NUPR1: variants seen among roughly 807,000 people sequenced by gnomAD.
NUPR1 encodes nuclear protein 1.
NUPR1 carries 8 observed loss-of-function variants against 7.3 expected under a neutral mutation model. The ratio of observed to expected loss-of-function variants is 1.09; its 90% CI spans 0.64 to 1.97. The LOEUF (loss-of-function observed/expected upper bound fraction) is 1.97, where lower values mean the gene tolerates loss of function less well. NUPR1 is among the 30% of genes most tolerant of loss of function. NUPR1 has a pLI of 0.00. For missense variants in NUPR1, 96 were observed against 111.7 expected (o/e 0.86, Z 0.63); for synonymous variants, 39 against 44.5 (o/e 0.88, Z 0.49).
rs1026317520 is a variant in NUPR1, at chr16:28,535,334, T to G, written c.*2349A>C. ...CTTTCTTTCTCTCTCTTTTTCTTTT[T>G]TTGAGATGGAGTTTTGCTCTTGTTG... is the stretch of plus-strand genomic sequence containing the variant. On this transcript the variant is annotated 3_prime_UTR_variant, in exon 3 of 3. Coordinates refer to ENST00000324873, the MANE Select transcript of NUPR1 (RefSeq NM_012385.3). 2.6e-5 allele frequency: 4 copies of G among 152,202 alleles called. No individual in the cohort carries two copies. The highest frequency in any genetic ancestry group is 5.9e-5 in the Non-Finnish European group (4 of 68,212). The allele number at this position is 152,202 out of a possible 1,614,324, so 9.4% of individuals were successfully genotyped here.
Position 28,532,902 on chromosome 16 carries a change from G to C in NUPR1, c.*4781C>G, listed in dbSNP as rs2046591126. On this transcript the variant is annotated 3_prime_UTR_variant, in exon 3 of 3. Transcript: ENST00000324873. ...CAGTTTTCCGGTCTGAAAAAAAGGG[G>C]ATCATTAATAGTATGTCCTATTGGG... is the stretch of plus-strand genomic sequence containing the variant. 1 of 152,114 alleles carries C rather than the reference G, an allele frequency of 6.6e-6. No individual in the cohort carries two copies. The highest frequency in any genetic ancestry group is 1.5e-5 in the Non-Finnish European group (1 of 68,036). 9.4% of individuals were successfully genotyped at this position (152,114 alleles called of 1,614,324 possible).
intron 1 of NUPR1, 109 bp downstream of exon 1, chr16:28,538,687 G>A (rs2046643043): frequency 2.2e-6 from 2 of 919,298 alleles, no homozygotes; most frequent in African/African-American, 1.6e-5. Context: ...CAAAAAAAAA[G>A]AAAGAAAGAA....
At chr16:28,538,544 C>T (rs1003340043) in intron 1 of NUPR1, 11 of 627,262 alleles carry the variant, frequency 1.8e-5, no homozygotes, top group Non-Finnish European at 2.9e-5. Context: ...GTGGTGTACA[C>T]CTGAAGTTCC....
rs569799801 is a variant in NUPR1, at chr16:28,535,243, TTCCCTCCTTTCCTCCTTCCCTCCTTCCC to T, written c.*2412_*2439del. ...CTAGGGCAAATCCCTTAATATTTCC[TTCCCTCCTTTCCTCCTTCCCTCCTTCCC>T]TCCCTCCTTTCCTTCCTCTTTCTTT... On this transcript the variant is annotated 3_prime_UTR_variant, in exon 3 of 3. Transcript: ENST00000324873. 3.9e-5 allele frequency: 6 copies of T among 152,196 alleles called. No individual in the cohort carries two copies. Among genetic ancestry groups the T allele is most frequent in the Non-Finnish European group, 8.8e-5 (6 of 68,052 alleles). The allele number at this position is 152,196 out of a possible 1,614,324, so 9.4% of individuals were successfully genotyped here.
rs2046610451 is a variant in NUPR1 at position 28,535,572 on chromosome 16, C to CTTTCTTTCTTTTCTTTCTTTCTTTCT, written c.*2110_*2111insAGAAAGAAAGAAAGAAAAGAAAGAAA. The CTTTCTTTCTTTTCTTTCTTTCTTTCT allele has an allele frequency of 5.6e-4, 5 of 8,878 alleles. No homozygotes were observed. The highest frequency in any genetic ancestry group is 7.7e-4 in the African/African-American group (5 of 6,520). The allele number at this position is 8,878 out of a possible 1,614,324, so 0.5% of individuals were successfully genotyped here. A position where few individuals can be genotyped will look rare whatever the true frequency, so the allele number is the denominator to read the frequency against. On this transcript the variant is annotated 3_prime_UTR_variant, in exon 3 of 3. Coordinates refer to ENST00000324873, the MANE Select transcript of NUPR1 (RefSeq NM_012385.3). ...CTTTCTTTCTTTCTTTCCTTCCTTCCTTTCTTTCTTTCTTTCTTTCTTTCT... is the reference window on the plus strand; with the variant it reads ...CTTTCTTTCTTTCTTTCCTTCCTTCCTTTCTTTCTTTTCTTTCTTTCTTTCTTTTCTTTCTTTCTTTCTTTCTTTCT...
In NUPR1 at chr16:28,535,503, T is replaced by TTTTCTGTCTTTCTTTCTTTCTTTC. The variant is rs2046604855; in HGVS notation, c.*2179_*2180insGAAAGAAAGAAAGAAAGACAGAAA. The TTTTCTGTCTTTCTTTCTTTCTTTC allele has an allele frequency of 1.0e-5, 1 of 98,470 alleles. No individual in the cohort carries two copies. Among genetic ancestry groups the TTTTCTGTCTTTCTTTCTTTCTTTC allele is most frequent in the African/African-American group, 4.0e-5 (1 of 24,740 alleles). The allele number at this position is 98,470 out of a possible 1,614,324, so 6.1% of individuals were successfully genotyped here. ...TGAGCCACTGTGCCGGGGCTCGCTC[T>TTTTCTGTCTTTCTTTCTTTCTTTC]TTTCTTTCTTTCTTTCTTTCTTTCT... On this transcript the variant is annotated 3_prime_UTR_variant, in exon 3 of 3. Transcript: ENST00000324873.
chr16:28,535,284 T>TTCCTCTTTCTTTCCC lies in NUPR1; in HGVS notation c.*2384_*2398dup. On this transcript the variant is annotated 3_prime_UTR_variant, in exon 3 of 3. Coordinates refer to ENST00000324873, the MANE Select transcript of NUPR1 (RefSeq NM_012385.3). ...TTCCCTCCTTCCCTCCCTCCTTTCC[T>TTCCTCTTTCTTTCCC]TCCTCTTTCTTTCCCTCCTTCTCTC... 6.6e-6 allele frequency: 1 copy of TTCCTCTTTCTTTCCC among 151,814 alleles called. No homozygotes were observed. Among genetic ancestry groups the TTCCTCTTTCTTTCCC allele is most frequent in the Admixed American group, 6.6e-5 (1 of 15,198 alleles). The allele number at this position is 151,814 out of a possible 1,614,324, so 9.4% of individuals were successfully genotyped here.
In NUPR1 at chr16:28,535,503, TTTTCTTTCTTTCTTTC is replaced by T. The variant is rs544177614; in HGVS notation, c.*2164_*2179del. Reference sequence around the variant, plus strand: ...TGAGCCACTGTGCCGGGGCTCGCTCTTTTCTTTCTTTCTTTCTTTCTTTCTTTCTTTCTTTCTTTCC... The same window carrying T: ...TGAGCCACTGTGCCGGGGCTCGCTCTTTTCTTTCTTTCTTTCTTTCTTTCC... On this transcript the variant is annotated 3_prime_UTR_variant, in exon 3 of 3. Transcript: ENST00000324873. 6.1e-5 allele frequency: 6 copies of T among 98,470 alleles called. No homozygotes were observed. The highest frequency in any genetic ancestry group is 2.4e-4 in the African/African-American group (6 of 24,740). 6.1% of individuals were successfully genotyped at this position (98,470 alleles called of 1,614,324 possible). A position where few individuals can be genotyped will look rare whatever the true frequency, so the allele number is the denominator to read the frequency against.
At chr16:28,537,705 A>G (rs1409816202) in intron 2 of NUPR1, 36 bp from the exon 3 acceptor site, 2 of 307,830 alleles carry the variant, frequency 6.5e-6, no homozygotes, top group East Asian at 1.4e-4. Context: ...TAAAAGGGAC[A>G]GAGATCTGGG....
At position 28,535,579 on chromosome 16, in the gene NUPR1, T is replaced by TCCTTC. The variant is rs1491423157; in HGVS notation, c.*2103_*2104insGAAGG. On this transcript the variant is annotated 3_prime_UTR_variant, in exon 3 of 3. Coordinates refer to ENST00000324873, the MANE Select transcript of NUPR1 (RefSeq NM_012385.3). ...TCTTTCTTTCCTTCCTTCCTTTCTT[T>TCCTTC]CTTTCTTTCTTTCTTTCTTTCTTTC... is the stretch of plus-strand genomic sequence containing the variant. The TCCTTC allele has an allele frequency of 4.3e-3, 170 of 39,200 alleles. 6 individuals carry two copies. The highest frequency in any genetic ancestry group is 0.018 in the African/African-American group (133 of 7,508). 2.4% of individuals were successfully genotyped at this position (39,200 alleles called of 1,614,324 possible).
chr16:28,538,283 G>T, intron 1 of NUPR1, 128 bp from the exon 2 acceptor site: 1 of 1,383,394 alleles, frequency 7.2e-7, no homozygotes, highest in Non-Finnish European at 1.0e-6. Context: ...CTTCCCCTCT[G>T]TGGAATGTGG....
rs1322915367 is a variant in NUPR1 at position 28,536,983 on chromosome 16, C to T, written c.*700G>A. ...GGCCCTGGCTTTTAATATTTTAAAT[C>T]TCAGTTTTCTCTGACTTTTAGATGG... is the stretch of plus-strand genomic sequence containing the variant. On this transcript the variant is annotated 3_prime_UTR_variant, in exon 3 of 3. Transcript: ENST00000324873. 6.6e-6 allele frequency: 1 copy of T among 152,126 alleles called. No individual in the cohort carries two copies. The highest frequency in any genetic ancestry group is 1.9e-4 in the East Asian group (1 of 5,182). The allele number at this position is 152,126 out of a possible 1,614,324, so 9.4% of individuals were successfully genotyped here.
In NUPR1 at chr16:28,536,816, C is replaced by T. The variant is rs1271657479; in HGVS notation, c.*867G>A. Reference sequence around the variant, plus strand: ...CAGCTGGGATTACAGGCACCTGCCACCATGCTTGGCTAATTTTTGGTATTT... The same window carrying T: ...CAGCTGGGATTACAGGCACCTGCCATCATGCTTGGCTAATTTTTGGTATTT... On this transcript the variant is annotated 3_prime_UTR_variant, in exon 3 of 3. Transcript: ENST00000324873. The T allele has an allele frequency of 2.0e-5, 3 of 152,078 alleles. No homozygotes were observed. Among genetic ancestry groups the T allele is most frequent in the African/African-American group, 7.2e-5 (3 of 41,400 alleles). 9.4% of individuals were successfully genotyped at this position (152,078 alleles called of 1,614,324 possible).
In NUPR1 at chr16:28,538,873, T is replaced by TG. The variant is rs1160888587; in HGVS notation, c.34dup (p.Gln12ProfsTer15). The TG allele has an allele frequency of 1.1e-5, 18 of 1,613,216 alleles. No homozygotes were observed. The highest frequency in any genetic ancestry group is 1.7e-5 in the Admixed American group (1 of 59,736). On this transcript the variant is annotated frameshift_variant, in exon 1 of 3. Transcript: ENST00000324873. LOFTEE classifies it high-confidence loss of function. ...CTCGTCCTCCGGGCCTGGGGGCTGC[T>TG]GGGGGGCGCTGGTTGCTGGTGGGAA...
Position 28,535,532 on chromosome 16 carries a change from T to TTTCTTTCTTTCTTTCC in NUPR1, c.*2150_*2151insGGAAAGAAAGAAAGAA, listed in dbSNP as rs2046606244. The TTTCTTTCTTTCTTTCC allele has an allele frequency of 2.7e-5, 2 of 75,354 alleles. No homozygotes were observed. The highest frequency in any genetic ancestry group is 2.9e-5 in the Non-Finnish European group (1 of 34,894). The allele number at this position is 75,354 out of a possible 1,614,324, so 4.7% of individuals were successfully genotyped here. On this transcript the variant is annotated 3_prime_UTR_variant, in exon 3 of 3. Coordinates refer to ENST00000324873, the MANE Select transcript of NUPR1 (RefSeq NM_012385.3). Reference sequence around the variant, plus strand: ...CTTTCTTTCTTTCTTTCTTTCTTTCTTTCTTTCTTTCCTTCTTTCTTTCTT... The same window carrying TTTCTTTCTTTCTTTCC: ...CTTTCTTTCTTTCTTTCTTTCTTTCTTTCTTTCTTTCTTTCCTTCTTTCTTTCCTTCTTTCTTTCTT...
rs895607206 is a variant in NUPR1 at position 28,535,254 on chromosome 16, C to T, written c.*2429G>A. On this transcript the variant is annotated 3_prime_UTR_variant, in exon 3 of 3. Transcript: ENST00000324873. ...CCCTTAATATTTCCTTCCCTCCTTT[C>T]CTCCTTCCCTCCTTCCCTCCCTCCT... is the stretch of plus-strand genomic sequence containing the variant. The T allele has an allele frequency of 1.3e-5, 2 of 151,978 alleles. No homozygotes were observed. Among genetic ancestry groups the T allele is most frequent in the Admixed American group, 6.6e-5 (1 of 15,222 alleles). 9.4% of individuals were successfully genotyped at this position (151,978 alleles called of 1,614,324 possible).
rs2046608462 is a variant in NUPR1, at chr16:28,535,560, T to TTTCTTTCCTTCCTTCCTTCC, written c.*2122_*2123insGGAAGGAAGGAAGGAAAGAA. Reference sequence around the variant, plus strand: ...CTTTCTTTCCTTCTTTCTTTCTTTCTTTCCTTCCTTCCTTTCTTTCTTTCT... The same window carrying TTTCTTTCCTTCCTTCCTTCC: ...CTTTCTTTCCTTCTTTCTTTCTTTCTTTCTTTCCTTCCTTCCTTCCTTCCTTCCTTCCTTTCTTTCTTTCT... On this transcript the variant is annotated 3_prime_UTR_variant, in exon 3 of 3. Coordinates refer to ENST00000324873, the MANE Select transcript of NUPR1 (RefSeq NM_012385.3). 3.1e-5 allele frequency: 2 copies of TTTCTTTCCTTCCTTCCTTCC among 64,236 alleles called. No individual in the cohort carries two copies. Among genetic ancestry groups the TTTCTTTCCTTCCTTCCTTCC allele is most frequent in the Admixed American group, 1.9e-4 (1 of 5,220 alleles). The allele number at this position is 64,236 out of a possible 1,614,324, so 4.0% of individuals were successfully genotyped here.
rs2046622240 is a variant in NUPR1, at chr16:28,536,181, T to A, written c.*1502A>T. 6.6e-6 allele frequency: 1 copy of A among 152,140 alleles called. No homozygotes were observed. The highest frequency in any genetic ancestry group is 6.6e-5 in the Admixed American group (1 of 15,248). 9.4% of individuals were successfully genotyped at this position (152,140 alleles called of 1,614,324 possible). ...CATCCTGGCCAACATGGTGAAACTC[T>A]GTTTCTACTAAAAATACAAAAATTA... On this transcript the variant is annotated 3_prime_UTR_variant, in exon 3 of 3. Transcript: ENST00000324873.
intron 1 of NUPR1, 170 bp from the exon 2 acceptor site, chr16:28,538,325 G>T: frequency 1.1e-6 from 1 of 875,738 alleles, no homozygotes; most frequent in Non-Finnish European, 1.8e-6. Context: ...CCCAGGCTGA[G>T]TAACATAGCA....
Sources: allele counts gnomAD v4.1 joint callset, GRCh38; gene constraint gnomAD v4.1.1; transcripts MANE v1.5; gene names NCBI Gene and HGNC (gene_info 2026-07-23, HGNC 2026-07-21).